CWC27: variants seen among roughly 807,000 people sequenced by gnomAD.
The protein encoded by CWC27 is CWC27 spliceosome associated cyclophilin, also known as spliceosome-associated protein CWC27 homolog.
A neutral mutation model predicts 63.6 loss-of-function variants in CWC27; 47 were observed. The observed-to-expected ratio is 0.74, with a 90% CI of 0.58 to 0.94. CWC27 has a LOEUF of 0.94. Among genes scored for constraint, CWC27 ranks in the 40% least tolerant of loss-of-function variants. The pLI, the probability that CWC27 is intolerant of heterozygous loss-of-function variation, is 0.00. For missense variants in CWC27, 495 were observed against 554.3 expected (o/e 0.89, Z 1.07); for synonymous variants, 175 against 179.8 (o/e 0.97, Z 0.22).
At chr5:64,897,312 A>T (rs1747402425) in intron 11 of CWC27, among the ~76,000 whole-genome samples, 1 of 152,200 alleles carries the variant, frequency 6.6e-6, no homozygotes, top group Non-Finnish European at 1.5e-5. Flanking sequence ...ACTACTCACA[A>T]TAGCAAAGAC....
intron 10 of CWC27, among the ~76,000 whole-genome samples, chr5:64,835,976 A>G (rs1370446641): frequency 6.6e-6 from 1 of 151,926 alleles, no homozygotes; most frequent in East Asian, 1.9e-4. Context: ...TGGTGATAAA[A>G]TGATTAGACA....
chr5:64,814,734 T>A (rs4290972), intron 10 of CWC27, among the ~76,000 whole-genome samples: 1 of 151,950 alleles, frequency 6.6e-6, no homozygotes, highest in Admixed American at 6.6e-5. Context: ...ATGAAATGTT[T>A]CTAGCAAAGA....
At chr5:64,887,455 C>T (rs1397093018) in intron 11 of CWC27, among the ~76,000 whole-genome samples, 1 of 152,114 alleles carries the variant, frequency 6.6e-6, no homozygotes, top group Non-Finnish European at 1.5e-5. Flanking sequence ...GCAACCCCCG[C>T]CTTCGGGTTC....
At chr5:64,840,377 AAAAAAAAAAAAAAAAAAATATAT>A (rs1264571550) in intron 10 of CWC27, among the ~76,000 whole-genome samples, 33 of 65,772 alleles carry the variant, frequency 5.0e-4, no homozygotes, top group African/African-American at 2.0e-3. Context: ...AAAAAAAAAA[AAAAAAAAAAAAAAAAAAATATAT>A]ATATATATAT....
intron 10 of CWC27, among the ~76,000 whole-genome samples, chr5:64,842,342 C>T (rs886627947): frequency 1.3e-5 from 2 of 152,078 alleles, no homozygotes; most frequent in Non-Finnish European, 2.9e-5. Context: ...CTCACTCTGT[C>T]ACCCAGGCTG....
chr5:64,847,666 A>G (rs1746025194), intron 10 of CWC27, among the ~76,000 whole-genome samples: 1 of 152,226 alleles, frequency 6.6e-6, no homozygotes, highest in Admixed American at 6.5e-5. Flanking sequence ...GATTCAAATT[A>G]TATTAAGTAT....
At chr5:64,939,576 A>G (rs1192868313) in intron 11 of CWC27, among the ~76,000 whole-genome samples, 2 of 152,210 alleles carry the variant, frequency 1.3e-5, no homozygotes, top group Non-Finnish European at 2.9e-5. Context: ...GGTGCCTTCA[A>G]GTCAGGAGGC....
At chr5:64,872,040 A>G (rs573859021) in intron 10 of CWC27, among the ~76,000 whole-genome samples, 24 of 152,282 alleles carry the variant, frequency 1.6e-4, no homozygotes, top group African/African-American at 5.3e-4. Context: ...CAGGAAGGCC[A>G]CATTTAGGTA....
intron 10 of CWC27, chr5:64,807,595 C>G (rs1744728040): frequency 1.3e-6 from 2 of 1,525,372 alleles, no homozygotes; most frequent in Non-Finnish European, 8.8e-7. Context: ...CACTTTCTTT[C>G]CAGCCCACCT....
intron 11 of CWC27, among the ~76,000 whole-genome samples, chr5:64,922,967 C>G (rs1356885267): frequency 1.3e-5 from 2 of 152,186 alleles, no homozygotes; most frequent in African/African-American, 4.8e-5. Flanking sequence ...GCCCTCTCAT[C>G]TCTCAAGGTT....
At chr5:64,975,879 A>G (rs1303561406) in intron 12 of CWC27, among the ~76,000 whole-genome samples, 1 of 152,264 alleles carries the variant, frequency 6.6e-6, no homozygotes, top group African/African-American at 2.4e-5. Flanking sequence ...GGCCTGGCCA[A>G]TATAATGAAA....
intron 13 of CWC27, among the ~76,000 whole-genome samples, chr5:65,013,294 T>C (rs1304638152): frequency 6.6e-6 from 1 of 152,148 alleles, no homozygotes; most frequent in Non-Finnish European, 1.5e-5. Flanking sequence ...TTTAGGGAGT[T>C]TATCATCAAA....
At chr5:64,826,976 T>C (rs558697355) in intron 10 of CWC27, among the ~76,000 whole-genome samples, 2 of 152,132 alleles carry the variant, frequency 1.3e-5, no homozygotes, top group Non-Finnish European at 2.9e-5. Flanking sequence ...TCTGGAACAA[T>C]TTTTTCCCAC....
At chr5:64,826,404 T>G (rs1273103310) in intron 10 of CWC27, among the ~76,000 whole-genome samples, 1 of 152,232 alleles carries the variant, frequency 6.6e-6, no homozygotes, top group Non-Finnish European at 1.5e-5. Flanking sequence ...ACTTGTTTTT[T>G]GTCCCATCAT....
intron 9 of CWC27, among the ~76,000 whole-genome samples, chr5:64,801,622 A>G (rs529446890): frequency 9.2e-5 from 14 of 152,102 alleles, no homozygotes; most frequent in South Asian, 2.1e-4. Context: ...TTAATACTCA[A>G]ACTTCAGATG....
chr5:64,780,577 C>G (rs1743639010), intron 2 of CWC27, among the ~76,000 whole-genome samples: 1 of 147,718 alleles, frequency 6.8e-6, no homozygotes, highest in Non-Finnish European at 1.5e-5. Context: ...ATCAAAATTA[C>G]TTATAACTAT....
chr5:64,824,532 G>A (rs540708194), intron 10 of CWC27, among the ~76,000 whole-genome samples: 69 of 152,124 alleles, frequency 4.5e-4, no homozygotes, highest in African/African-American at 1.7e-3. Context: ...ACCTGAAAAG[G>A]GAAGCTTAGT....
chr5:64,840,390 A>ATAT (rs1561430421), intron 10 of CWC27, among the ~76,000 whole-genome samples: 1 of 29,840 alleles, frequency 3.4e-5, no homozygotes. Context: ...AAAAAAAAAA[A>ATAT]AAAAATATAT....
intron 13 of CWC27, among the ~76,000 whole-genome samples, chr5:65,015,507 G>A (rs986533186): frequency 2.6e-4 from 39 of 152,184 alleles, no homozygotes; most frequent in African/African-American, 8.7e-4. Context: ...TTGGAACGCT[G>A]CTGCTAAGCA....
Sources: gnomAD v4.1 joint callset for allele counts (sites outside exome capture counted in the v4.1 genomes callset) on GRCh38, gnomAD v4.1.1 for gene constraint, MANE v1.5 for transcripts, NCBI Gene and HGNC (gene_info 2026-07-23, HGNC 2026-07-21) for gene names.